The following ZDHHC14 variants were observed in gnomAD, a reference collection of about 807,000 sequenced individuals.
ZDHHC14 encodes zDHHC palmitoyltransferase 14.
Under a neutral mutation model 47.7 loss-of-function variants are expected in ZDHHC14, and 16 were observed. That is an observed-to-expected ratio of 0.34 (90% CI 0.23 to 0.51). The LOEUF is 0.51. Ranked by LOEUF, ZDHHC14 falls within the 20% of genes least tolerant of loss-of-function variation. The pLI is 0.97. For synonymous variants in ZDHHC14, 293 were observed against 278.9 expected (o/e 1.05, Z -0.50); for missense variants, 515 against 662.5 (o/e 0.78, Z 2.44).
intron 1 of ZDHHC14, among the ~76,000 whole-genome samples, chr6:157,489,084 CTGGAATAAAGATGTTTGCAAATCG>C (rs1176007187): frequency 6.6e-6 from 1 of 152,214 alleles, no homozygotes; most frequent in African/African-American, 2.4e-5. Context: ...GCAGATCTGT[CTGGAATAAAGATGTTTGCAAATCG>C]AGGGTGTAAG....
At chr6:157,506,207 C>G (rs1780323253) in intron 1 of ZDHHC14, among the ~76,000 whole-genome samples, 1 of 152,230 alleles carries the variant, frequency 6.6e-6, no homozygotes, top group African/African-American at 2.4e-5. Context: ...ACATCCATGT[C>G]TCATTCACAA....
At chr6:157,635,935 C>T (rs1398968411) in intron 5 of ZDHHC14, among the ~76,000 whole-genome samples, 1 of 152,206 alleles carries the variant, frequency 6.6e-6, no homozygotes, top group African/African-American at 2.4e-5. Flanking sequence ...GAAGTCTCAG[C>T]CGCTGCCTTT....
chr6:157,571,776 ATTTTTT>A (rs548623336), intron 2 of ZDHHC14, among the ~76,000 whole-genome samples: 2 of 122,484 alleles, frequency 1.6e-5, no homozygotes, highest in African/African-American at 6.3e-5. Context: ...AGGAATCTGT[ATTTTTT>A]TTTTTTTTTT....
chr6:157,479,249 T>C lies in ZDHHC14; in HGVS notation c.246-63336T>C, dbSNP rs534403496. Among the ~76,000 whole-genome samples, 4 of 152,340 alleles carry C rather than the reference T, an allele frequency of 2.6e-5. No individual in the cohort carries two copies. In the East Asian group the frequency reaches 5.8e-4, roughly 22 times the overall value. ...ATAGTACTTACCTCATAGGAGTGTTTTGAGGATTAAATGAACACAGATATA... is the reference window on the plus strand; with the variant it reads ...ATAGTACTTACCTCATAGGAGTGTTCTGAGGATTAAATGAACACAGATATA... On this transcript the variant is annotated intron_variant, in intron 1 of 8. Transcript: ENST00000359775.
intron 3 of ZDHHC14, among the ~76,000 whole-genome samples, chr6:157,596,023 G>A (rs371690929): frequency 5.9e-5 from 9 of 152,196 alleles, no homozygotes; most frequent in East Asian, 1.9e-4. Flanking sequence ...GGCCAGCTCC[G>A]TGGGGGACAG....
chr6:157,426,555 G>A (rs9457422), intron 1 of ZDHHC14, among the ~76,000 whole-genome samples: 16,732 of 152,136 alleles, frequency 0.11, 1,532 homozygotes, highest in African/African-American at 0.25. Context: ...CCAGCTCGCA[G>A]GATGTGTGGG....
intron 7 of ZDHHC14, among the ~76,000 whole-genome samples, chr6:157,649,319 A>C (rs1721140520): frequency 6.6e-6 from 1 of 152,210 alleles, no homozygotes. Context: ...GAGCAAGACA[A>C]ATAAGACATT....
At chr6:157,493,457 A>G (rs1170806109) in intron 1 of ZDHHC14, among the ~76,000 whole-genome samples, 1 of 152,198 alleles carries the variant, frequency 6.6e-6, no homozygotes, top group African/African-American at 2.4e-5. Flanking sequence ...AGCTTCAGTG[A>G]TGGCCTCTCC....
chr6:157,492,217 A>G (rs1424445092), intron 1 of ZDHHC14, among the ~76,000 whole-genome samples: 5 of 38,992 alleles, frequency 1.3e-4, no homozygotes, highest in Non-Finnish European at 1.9e-4. Context: ...CCCCCCAGCC[A>G]CTGTAGTCTC....
rs1186657236 is a variant in ZDHHC14, at chr6:157,673,482, G to A, written c.*360G>A. 1 of 242,734 alleles carries A rather than the reference G, an allele frequency of 4.1e-6. No homozygotes were observed. The highest frequency in any genetic ancestry group is 2.3e-5 in the African/African-American group (1 of 43,162). The allele number at this position is 242,734 out of a possible 1,614,324, so 15.0% of individuals were successfully genotyped here. ...GGCCAGACTGCAATTGCACTTATGT[G>A]TTATGCTACTAATATTTGAAACAGA... On this transcript the variant is annotated 3_prime_UTR_variant, in exon 9 of 9. Coordinates refer to ENST00000359775, the MANE Select transcript of ZDHHC14 (RefSeq NM_024630.3). The surrounding 1 kb of genome is among the most constrained non-coding windows in gnomAD (Gnocchi z 5.4).
intron 1 of ZDHHC14, among the ~76,000 whole-genome samples, chr6:157,401,464 A>T (rs1453692268): frequency 6.6e-6 from 1 of 151,842 alleles, no homozygotes; most frequent in Non-Finnish European, 1.5e-5. Context: ...AGGCTGGATG[A>T]CGTTGTGAGA....
In ZDHHC14 at chr6:157,427,739, A is replaced by G. The variant is rs1382781073; in HGVS notation, c.245+45473A>G. Among the ~76,000 whole-genome samples, 1 of 152,080 alleles carries G rather than the reference A, an allele frequency of 6.6e-6. No individual in the cohort carries two copies. Among genetic ancestry groups the G allele is most frequent in the Non-Finnish European group, 1.5e-5 (1 of 68,006 alleles). On this transcript the variant is annotated intron_variant, in intron 1 of 8. Coordinates refer to ENST00000359775, the MANE Select transcript of ZDHHC14 (RefSeq NM_024630.3). The surrounding 1 kb of genome is among the most constrained non-coding windows in gnomAD (Gnocchi z 4.4). ...GCGCTAGGGCTGTTCCTCCTGGAGT[A>G]GTGGGAGTCAGAAACACACTGTGAG...
intron 1 of ZDHHC14, among the ~76,000 whole-genome samples, chr6:157,511,547 CTTTT>C (rs34988240): frequency 8.7e-5 from 10 of 114,924 alleles, no homozygotes; most frequent in Admixed American, 7.9e-4. Flanking sequence ...AGCCCGGGTA[CTTTT>C]TTTTTTTTTT....
At chr6:157,659,374 T>C (rs2115000393) in intron 8 of ZDHHC14, among the ~76,000 whole-genome samples, 1 of 152,378 alleles carries the variant, frequency 6.6e-6, no homozygotes, top group Middle Eastern at 3.4e-3. Flanking sequence ...CCCCGCACTG[T>C]TGCTTTGCTT....
chr6:157,431,891 G>C (rs1181973881), intron 1 of ZDHHC14, among the ~76,000 whole-genome samples: 1 of 151,914 alleles, frequency 6.6e-6, no homozygotes, highest in African/African-American at 2.4e-5. Flanking sequence ...ACCATACCTA[G>C]CTAATTTTTG....
chr6:157,477,348 C>G (rs564161817), intron 1 of ZDHHC14, among the ~76,000 whole-genome samples: 190 of 152,282 alleles, frequency 1.2e-3, no homozygotes, highest in African/African-American at 4.4e-3. Flanking sequence ...CCACTGCACT[C>G]CAGGCTGGGT....
At chr6:157,450,516 T>A (rs199643760) in intron 1 of ZDHHC14, among the ~76,000 whole-genome samples, 6 of 137,712 alleles carry the variant, frequency 4.4e-5, no homozygotes, top group Non-Finnish European at 3.1e-5. Flanking sequence ...GACTCCGTCT[T>A]AAAAAAAAAA....
At chr6:157,510,384 A>C (rs932946630) in intron 1 of ZDHHC14, among the ~76,000 whole-genome samples, 1 of 151,992 alleles carries the variant, frequency 6.6e-6, no homozygotes, top group Non-Finnish European at 1.5e-5. Flanking sequence ...CCTCTCACTG[A>C]CCCCTGCCAC....
At chr6:157,664,763 T>C (rs1335688923) in intron 8 of ZDHHC14, among the ~76,000 whole-genome samples, 1 of 152,116 alleles carries the variant, frequency 6.6e-6, no homozygotes, top group East Asian at 1.9e-4. Context: ...ACCTCGAGTA[T>C]CTCTATTTCT....
Sources: gnomAD v4.1 joint callset for allele counts (sites outside exome capture counted in the v4.1 genomes callset) on GRCh38, gnomAD v4.1.1 for gene constraint, Gnocchi (gnomAD v3.1) non-coding constraint, MANE v1.5 for transcripts, NCBI Gene and HGNC (gene_info 2026-07-23, HGNC 2026-07-21) for gene names.